CLSTN2: variants seen among roughly 807,000 people sequenced by gnomAD.
The protein encoded by CLSTN2 is calsyntenin-2.
Under a neutral mutation model 101.2 loss-of-function variants are expected in CLSTN2, and 48 were observed. The observed-to-expected ratio is 0.47, with a 90% CI of 0.38 to 0.60. The LOEUF (loss-of-function observed/expected upper bound fraction) is 0.60, where lower values mean the gene tolerates loss of function less well. Ranked by LOEUF, CLSTN2 falls within the 20% of genes least tolerant of loss-of-function variation. CLSTN2 has a pLI of 0.00. For synonymous variants in CLSTN2, 481 were observed against 463.6 expected, an observed-to-expected ratio of 1.04 and a Z score of -0.48; for missense variants, 1,160 against 1,238.2, an observed-to-expected ratio of 0.94 and a Z score of 0.95.
At chr3:140,126,793 G>A (rs905500311) in intron 1 of CLSTN2, among the ~76,000 whole-genome samples, 2 of 152,054 alleles carry the variant, frequency 1.3e-5, no homozygotes, top group East Asian at 1.9e-4. Flanking sequence ...AGCCTGAATT[G>A]TGCCAGGGTC....
intron 1 of CLSTN2, among the ~76,000 whole-genome samples, chr3:140,086,178 G>A (rs553412047): frequency 6.6e-6 from 1 of 152,296 alleles, no homozygotes; most frequent in East Asian, 1.9e-4. Context: ...TTAGGTAGGT[G>A]TAGTCCCTCT....
At chr3:140,535,120 A>G (rs892816565) in intron 9 of CLSTN2, among the ~76,000 whole-genome samples, 7 of 152,212 alleles carry the variant, frequency 4.6e-5, no homozygotes, top group African/African-American at 1.7e-4. Flanking sequence ...CAACACACAC[A>G]CATTCATGCA....
chr3:140,533,969 C>CATG (rs1935311819), intron 9 of CLSTN2, among the ~76,000 whole-genome samples: 2 of 152,144 alleles, frequency 1.3e-5, no homozygotes, highest in African/African-American at 4.8e-5. Context: ...ACTTGTGTCA[C>CATG]ATGATAGCAA....
chr3:140,322,664 G>C (rs1307311801), intron 2 of CLSTN2, among the ~76,000 whole-genome samples: 2 of 152,224 alleles, frequency 1.3e-5, no homozygotes, highest in African/African-American at 4.8e-5. Flanking sequence ...GAAAGAGACA[G>C]TGTTTGAAAG....
intron 1 of CLSTN2, among the ~76,000 whole-genome samples, chr3:140,167,106 G>A (rs2010146612): frequency 6.6e-6 from 1 of 152,196 alleles, no homozygotes; most frequent in Admixed American, 6.5e-5. Flanking sequence ...TGGTTCTCCA[G>A]CATCCCATGA....
At chr3:140,448,401 A>G (rs1384915291) in intron 5 of CLSTN2, 118 bp from the exon 6 acceptor site, 5 of 804,620 alleles carry the variant, frequency 6.2e-6, no homozygotes, top group African/African-American at 1.7e-5. Flanking sequence ...GTTCCCTAAT[A>G]TCTAATATAT....
chr3:140,451,483 C>T (rs530887464), intron 6 of CLSTN2, among the ~76,000 whole-genome samples: 2 of 152,220 alleles, frequency 1.3e-5, no homozygotes, highest in African/African-American at 4.8e-5. Flanking sequence ...GGCACTGCCC[C>T]CCACACCTAT....
intron 1 of CLSTN2, among the ~76,000 whole-genome samples, chr3:139,983,215 A>G: frequency 6.6e-6 from 1 of 152,128 alleles, no homozygotes; most frequent in East Asian, 1.9e-4. Flanking sequence ...ATTTGATTAT[A>G]CATGTGTTGC....
At position 140,576,772 on chromosome 3, in the gene CLSTN2, A is replaced by G. The variant is rs1354673014; in HGVS notation, c.*10519A>G. 2.0e-5 allele frequency: 3 copies of G among 152,188 alleles called. No homozygotes were observed. The highest frequency in any genetic ancestry group is 6.5e-5 in the Admixed American group (1 of 15,280). 9.4% of individuals were successfully genotyped at this position (152,188 alleles called of 1,614,324 possible). On this transcript the variant is annotated 3_prime_UTR_variant, in exon 17 of 17. Transcript: ENST00000458420. The stretch of plus-strand genomic sequence containing the variant: ...TGCCTCCAGCGGTGGACCAGTGTGT[A>G]CCTGACATGTATCAGACTTCTGAGC...
chr3:140,303,805 C>A (rs921323095), intron 2 of CLSTN2, among the ~76,000 whole-genome samples: 1 of 151,828 alleles, frequency 6.6e-6, no homozygotes, highest in African/African-American at 2.4e-5. Flanking sequence ...TTGCTCTGGC[C>A]AGATGCATGA....
chr3:140,048,678 C>A (rs1454483053), intron 1 of CLSTN2, among the ~76,000 whole-genome samples: 1 of 152,030 alleles, frequency 6.6e-6, no homozygotes, highest in Non-Finnish European at 1.5e-5. Flanking sequence ...TGACCTGGGG[C>A]AGGTAATGTC....
chr3:140,183,729 C>A (rs1220768152), intron 2 of CLSTN2, among the ~76,000 whole-genome samples: 2 of 152,168 alleles, frequency 1.3e-5, no homozygotes, highest in Non-Finnish European at 2.9e-5. Flanking sequence ...ACAACTTGTA[C>A]ACAACAGCAC....
intron 1 of CLSTN2, among the ~76,000 whole-genome samples, chr3:140,012,396 C>G (rs1560069205): frequency 6.6e-6 from 1 of 152,146 alleles, no homozygotes; most frequent in East Asian, 1.9e-4. Flanking sequence ...TCTTCCAGGA[C>G]AGGCTGTCCA....
At chr3:140,367,565 G>A (rs1267981764) in intron 2 of CLSTN2, among the ~76,000 whole-genome samples, 1 of 149,022 alleles carries the variant, frequency 6.7e-6, no homozygotes, top group African/African-American at 2.5e-5. Flanking sequence ...ACAGGGAAAT[G>A]TATTTGGAAC....
At chr3:140,051,139 G>T (rs1308743140) in intron 1 of CLSTN2, among the ~76,000 whole-genome samples, 2 of 152,196 alleles carry the variant, frequency 1.3e-5, no homozygotes, top group African/African-American at 4.8e-5. Flanking sequence ...CAGGAAACAG[G>T]GCTTCCAATG....
chr3:140,204,895 GGAGA>G (rs1204834598), intron 2 of CLSTN2, among the ~76,000 whole-genome samples: 17 of 152,164 alleles, frequency 1.1e-4, no homozygotes, highest in African/African-American at 4.1e-4. Context: ...AGGCCACTGG[GGAGA>G]GATAGTCAAT....
intron 8 of CLSTN2, 49 bp from the exon 9 acceptor site, chr3:140,532,274 GT>G: frequency 6.7e-7 from 1 of 1,494,340 alleles, no homozygotes; most frequent in Non-Finnish European, 9.1e-7. Flanking sequence ...CCTGTTTGAT[GT>G]TTTATTACAT....
At chr3:140,345,342 C>G (rs372533324) in intron 2 of CLSTN2, among the ~76,000 whole-genome samples, 10 of 151,406 alleles carry the variant, frequency 6.6e-5, no homozygotes, top group African/African-American at 2.4e-4. Context: ...TATGCCTCCC[C>G]GGTTCAAGCG....
At chr3:140,359,936 T>C (rs2107948889) in intron 2 of CLSTN2, among the ~76,000 whole-genome samples, 1 of 151,968 alleles carries the variant, frequency 6.6e-6, no homozygotes, top group Admixed American at 6.6e-5. Flanking sequence ...TATAAATATA[T>C]ACACTTTATA....
Sources: allele counts gnomAD v4.1 joint callset (sites outside exome capture counted in the v4.1 genomes callset), GRCh38; gene constraint gnomAD v4.1.1; transcripts MANE v1.5; gene names NCBI Gene and HGNC (gene_info 2026-07-23, HGNC 2026-07-21).